HDX: variants seen among roughly 807,000 people sequenced by gnomAD.
HDX encodes the protein highly divergent homeobox.
Under a neutral mutation model 45.2 loss-of-function variants are expected in HDX, and 19 were observed. That is an observed-to-expected ratio of 0.42 (90% CI 0.29 to 0.62). The LOEUF is 0.62. Ranked by LOEUF, HDX falls within the 20% of genes least tolerant of loss-of-function variation. The pLI is 0.20. For missense variants in HDX, 532 were observed against 493.9 expected, an observed-to-expected ratio of 1.08 and a Z score of -0.73; for synonymous variants, 188 against 172.8, an observed-to-expected ratio of 1.09 and a Z score of -0.69.
At chrX:84,452,750 T>C (rs1439484038) in intron 4 of HDX, among the ~76,000 whole-genome samples, 3 of 111,711 alleles carry the variant, frequency 2.7e-5, no homozygotes, top group Non-Finnish European at 5.6e-5. Context: ...CAATAAATGC[T>C]ACTAGGAAGA....
In HDX at chrX:84,383,103, A is replaced by C. The variant is rs948990675; in HGVS notation, c.1306-21491T>G. On this transcript the variant is annotated intron_variant, in intron 5 of 10. Transcript: ENST00000373177. The stretch of plus-strand genomic sequence containing the variant: ...AACGTGTAGTATATATAAAATAAAA[A>C]GGTAGCATTCTTCTTAATCCTGGCC... 1.7e-3 allele frequency among the ~76,000 whole-genome samples: 193 copies of C among 111,566 alleles called. 2 individuals are homozygous for C. Among genetic ancestry groups the C allele is most frequent in the Non-Finnish European group, 5.5e-4 (29 of 52,960 alleles).
intron 5 of HDX, among the ~76,000 whole-genome samples, chrX:84,398,721 T>C (rs1048698042): frequency 8.9e-6 from 1 of 112,180 alleles, no homozygotes; most frequent in Non-Finnish European, 1.9e-5. Context: ...GTGGACCTAA[T>C]GGACGTCTAC....
chrX:84,368,113 C>G (rs182773604), intron 5 of HDX, among the ~76,000 whole-genome samples: 1 of 111,448 alleles, frequency 9.0e-6, no homozygotes, highest in Non-Finnish European at 1.9e-5. Flanking sequence ...TGTGTAATTT[C>G]TGCCAATTTA....
In HDX at chrX:84,356,141, TCCTAA is replaced by T. The variant is rs1289948562; in HGVS notation, c.1452+5320_1452+5324del. Among the ~76,000 whole-genome samples the T allele has an allele frequency of 2.7e-5, 3 of 111,614 alleles. No homozygotes were observed. The Admixed American group carries it at 2.9e-4, about 11-fold the overall frequency. On this transcript the variant is annotated intron_variant, in intron 6 of 10. Transcript: ENST00000373177. ...ACCGTAAGTAATGGTTAACTAGACATCCTAAGGTGAAGTTCATTTTGGTGATTAGT... is the reference window on the plus strand; with the variant it reads ...ACCGTAAGTAATGGTTAACTAGACATGGTGAAGTTCATTTTGGTGATTAGT...
At chrX:84,339,869 A>G (rs1212070986) in intron 7 of HDX, among the ~76,000 whole-genome samples, 1 of 111,710 alleles carries the variant, frequency 9.0e-6, no homozygotes, top group African/African-American at 3.2e-5. Context: ...TTTGGTTCTC[A>G]GGATAGTAAA....
intron 5 of HDX, among the ~76,000 whole-genome samples, chrX:84,416,917 G>A (rs56343074): frequency 0.069 from 7,566 of 109,697 alleles, 311 homozygotes; most frequent in African/African-American, 0.15. Context: ...CACTTTGGGA[G>A]GCTGAGGCGG....
In HDX at chrX:84,499,442, T is replaced by C. The variant is rs906965268; in HGVS notation, c.-110+2900A>G. Among the ~76,000 whole-genome samples the C allele has an allele frequency of 3.6e-5, 4 of 111,959 alleles. No homozygotes were observed. In the Admixed American group the frequency reaches 3.8e-4, roughly 11 times the overall value. On this transcript the variant is annotated intron_variant, in intron 1 of 10. Coordinates refer to ENST00000373177, the MANE Select transcript of HDX (RefSeq NM_001177479.2). ...CAGAGTTGCTTAAGTTTGATCAGTT[T>C]TCTCTATTGGTCTATGTGTAAATGT...
chrX:84,359,581 C>T (rs1288914705), intron 6 of HDX, among the ~76,000 whole-genome samples: 2 of 111,719 alleles, frequency 1.8e-5, no homozygotes, highest in Admixed American at 9.5e-5. Flanking sequence ...TTTTCTTTAT[C>T]CAGTCTATCA....
chrX:84,376,565 C>T (rs183877112), intron 5 of HDX, among the ~76,000 whole-genome samples: 56 of 111,448 alleles, frequency 5.0e-4, no homozygotes, highest in African/African-American at 1.8e-3. Flanking sequence ...CTTAACAGCG[C>T]TTGGGTCCTA....
intron 3 of HDX, among the ~76,000 whole-genome samples, chrX:84,474,100 G>T (rs1013461022): frequency 3.6e-5 from 4 of 111,532 alleles, no homozygotes; most frequent in Non-Finnish European, 7.5e-5. Context: ...AGACCAACCT[G>T]TCCAACATGG....
Position 84,365,038 on chromosome X carries a change from C to T in HDX, c.1306-3426G>A, listed in dbSNP as rs562479845. ...ACATTTAGGTTGTTCCATATTTTGG[C>T]TATTGTGAATAATGCTGCAGTAAAC... On this transcript the variant is annotated intron_variant, in intron 5 of 10. Transcript: ENST00000373177. 2.1e-4 allele frequency among the ~76,000 whole-genome samples: 23 copies of T among 110,956 alleles called. 1 individual carries two copies. In the South Asian group the frequency reaches 8.9e-3, roughly 43 times the overall value.
intron 5 of HDX, among the ~76,000 whole-genome samples, chrX:84,433,228 A>G (rs1035857290): frequency 1.5e-4 from 17 of 111,536 alleles, no homozygotes; most frequent in African/African-American, 5.5e-4. Context: ...TCTTATTGAT[A>G]AAATGTTTTC....
At chrX:84,365,026 T>C (rs1270264405) in intron 5 of HDX, among the ~76,000 whole-genome samples, 1 of 111,647 alleles carries the variant, frequency 9.0e-6, no homozygotes, top group African/African-American at 3.3e-5. Flanking sequence ...TTTAGGTTGT[T>C]CCATATTTTG....
At chrX:84,485,823 C>T (rs2040779181) in intron 2 of HDX, among the ~76,000 whole-genome samples, 1 of 112,168 alleles carries the variant, frequency 8.9e-6, no homozygotes, top group South Asian at 3.6e-4. Context: ...ATTCCTGGTA[C>T]TAGTCCTTGC....
At chrX:84,332,841 T>G (rs1306208846) in intron 9 of HDX, among the ~76,000 whole-genome samples, 1 of 112,178 alleles carries the variant, frequency 8.9e-6, no homozygotes, top group African/African-American at 3.2e-5. Flanking sequence ...GATATTTTCC[T>G]TCTGTGTTTA....
At chrX:84,415,271 A>G (rs1448278569) in intron 5 of HDX, among the ~76,000 whole-genome samples, 2 of 112,270 alleles carry the variant, frequency 1.8e-5, no homozygotes, top group Non-Finnish European at 3.8e-5. Flanking sequence ...GCTTTGCATG[A>G]TATCCTGCCA....
intron 5 of HDX, among the ~76,000 whole-genome samples, chrX:84,372,532 T>C (rs754504229): frequency 2.7e-5 from 3 of 112,326 alleles, no homozygotes; most frequent in Non-Finnish European, 3.8e-5. Context: ...CCAAGGATTC[T>C]GTAATATAAG....
chrX:84,422,139 G>T (rs997554733), intron 5 of HDX, among the ~76,000 whole-genome samples: 1 of 111,582 alleles, frequency 9.0e-6, no homozygotes, highest in Admixed American at 9.5e-5. Flanking sequence ...CATATGAACA[G>T]TCACAGAACA....
chrX:84,391,349 T>C (rs897721362), intron 5 of HDX, among the ~76,000 whole-genome samples: 5 of 111,997 alleles, frequency 4.5e-5, no homozygotes, highest in South Asian at 3.7e-4. Flanking sequence ...CACTTCTCCA[T>C]TGACTGACAC....
Sources: allele counts gnomAD v4.1 joint callset (sites outside exome capture counted in the v4.1 genomes callset), GRCh38; gene constraint gnomAD v4.1.1; transcripts MANE v1.5; gene names NCBI Gene and HGNC (gene_info 2026-07-23, HGNC 2026-07-21).